Variants in SEMA6D observed in about 807,000 individuals in gnomAD.
SEMA6D encodes the protein semaphorin-6D.
Under a neutral mutation model 106.6 loss-of-function variants are expected in SEMA6D, and 35 were observed. The observed-to-expected ratio is 0.33, with a 90% CI of 0.25 to 0.44. SEMA6D has a LOEUF of 0.44. SEMA6D is among the 20% of genes least tolerant of loss of function. The pLI, the probability that SEMA6D is intolerant of heterozygous loss-of-function variation, is 1.00. For synonymous variants in SEMA6D, 499 were observed against 487.7 expected, an observed-to-expected ratio of 1.02 and a Z score of -0.31; for missense variants, 1,185 against 1,345.9, an observed-to-expected ratio of 0.88 and a Z score of 1.87.
intron 1 of SEMA6D, among the ~76,000 whole-genome samples, chr15:47,260,789 C>T (rs2142074481): frequency 6.6e-6 from 1 of 152,198 alleles, no homozygotes; most frequent in South Asian, 2.1e-4. Flanking sequence ...ATAGTGCTTT[C>T]CTTGGACACT....
intron 2 of SEMA6D, among the ~76,000 whole-genome samples, chr15:47,443,525 T>G (rs2041940934): frequency 6.6e-6 from 1 of 152,054 alleles, no homozygotes; most frequent in African/African-American, 2.4e-5. Context: ...ATGTCCCAGC[T>G]CCACTCACCA....
At chr15:47,295,669 G>C (rs2035775346) in intron 1 of SEMA6D, among the ~76,000 whole-genome samples, 1 of 152,214 alleles carries the variant, frequency 6.6e-6, no homozygotes, top group African/African-American at 2.4e-5. Context: ...GTTCTCTTAT[G>C]GTAATGTGAA....
At chr15:47,470,826 A>G (rs2042813827) in intron 3 of SEMA6D, among the ~76,000 whole-genome samples, 1 of 152,174 alleles carries the variant, frequency 6.6e-6, no homozygotes. Flanking sequence ...AGGAGAATAA[A>G]GATAAATAAT....
intron 1 of SEMA6D, among the ~76,000 whole-genome samples, chr15:47,402,857 T>C (rs1213541631): frequency 6.6e-6 from 1 of 151,732 alleles, no homozygotes; most frequent in African/African-American, 2.4e-5. Flanking sequence ...TAGATGAACA[T>C]TGAATCAAGG....
At chr15:47,642,894 T>C (rs141221325) in intron 4 of SEMA6D, among the ~76,000 whole-genome samples, 216 of 151,104 alleles carry the variant, frequency 1.4e-3, no homozygotes, top group African/African-American at 4.9e-3. Flanking sequence ...GAGGTAAAGA[T>C]GAAAATGGAG....
intron 3 of SEMA6D, among the ~76,000 whole-genome samples, chr15:47,565,424 C>A (rs2046202201): frequency 6.6e-6 from 1 of 152,236 alleles, no homozygotes; most frequent in African/African-American, 2.4e-5. Flanking sequence ...ACTTCATTTG[C>A]TCACACACTC....
chr15:47,198,906 A>G (rs188800949), intron 1 of SEMA6D, among the ~76,000 whole-genome samples: 22 of 152,264 alleles, frequency 1.4e-4, no homozygotes, highest in African/African-American at 2.4e-4. Context: ...AGAGATTTCA[A>G]TGGGTACAGT....
chr15:47,362,238 G>A (rs75372372), intron 1 of SEMA6D, among the ~76,000 whole-genome samples: 2,512 of 152,202 alleles, frequency 0.017, 62 homozygotes, highest in African/African-American at 0.057. Context: ...TCATTATGGG[G>A]AAACAACTCA....
intron 4 of SEMA6D, among the ~76,000 whole-genome samples, chr15:47,649,501 G>A (rs1022528769): frequency 8.5e-5 from 13 of 152,198 alleles, no homozygotes; most frequent in Non-Finnish European, 1.6e-4. Flanking sequence ...ACATAGCCAG[G>A]TGTTGTGGCA....
At chr15:47,340,891 T>G (rs1040661455) in intron 1 of SEMA6D, among the ~76,000 whole-genome samples, 1 of 152,180 alleles carries the variant, frequency 6.6e-6, no homozygotes, top group Non-Finnish European at 1.5e-5. Flanking sequence ...TTGGGAGTGT[T>G]AAGTGCTGAG....
At position 47,509,390 on chromosome 15, in the gene SEMA6D, A is replaced by T. The variant is rs1354093237; in HGVS notation, c.-87+38845A>T. Among the ~76,000 whole-genome samples, 3 of 152,226 alleles carry T rather than the reference A, an allele frequency of 2.0e-5. No individual in the cohort carries two copies. In the East Asian group the frequency reaches 5.8e-4, roughly 29 times the overall value. On this transcript the variant is annotated intron_variant, in intron 3 of 19. Transcript: ENST00000558014. ...ATTTTGGTTTCCCCTTAATAAAGAC[A>T]GCTTGGTCTAGTGGCTTAATTATCA...
chr15:47,563,320 A>T (rs1348382144), intron 3 of SEMA6D, among the ~76,000 whole-genome samples: 1 of 152,184 alleles, frequency 6.6e-6, no homozygotes, highest in African/African-American at 2.4e-5. Flanking sequence ...TAAAAGTCTA[A>T]AATTTCATTA....
At chr15:47,689,402 A>G (rs1175157569) in intron 4 of SEMA6D, among the ~76,000 whole-genome samples, 4 of 152,234 alleles carry the variant, frequency 2.6e-5, no homozygotes, top group African/African-American at 7.2e-5. Flanking sequence ...ATAAACACAT[A>G]TAAAATTACA....
At chr15:47,542,439 G>T (rs188340238) in intron 3 of SEMA6D, among the ~76,000 whole-genome samples, 46 of 152,274 alleles carry the variant, frequency 3.0e-4, no homozygotes, top group African/African-American at 1.1e-3. Context: ...TTCTACACAT[G>T]CAGTTCTGGA....
intron 4 of SEMA6D, among the ~76,000 whole-genome samples, chr15:47,657,715 A>ATTT (rs1555404884): frequency 8.9e-5 from 4 of 44,784 alleles, no homozygotes; most frequent in African/African-American, 3.2e-4. Flanking sequence ...AGAGGGCTTC[A>ATTT]TTTCTTTTTT....
intron 4 of SEMA6D, among the ~76,000 whole-genome samples, chr15:47,622,904 G>C (rs980184924): frequency 3.3e-5 from 5 of 152,162 alleles, no homozygotes; most frequent in Non-Finnish European, 7.3e-5. Flanking sequence ...CCCCTCAAGA[G>C]AGTTGCGGGC....
Position 47,760,215 on chromosome 15 carries a change from A to G in SEMA6D, c.110-89A>G, listed in dbSNP as rs1393680267. The G allele has an allele frequency of 3.4e-6, 3 of 885,128 alleles. 1 individual carries two copies. The highest frequency in any genetic ancestry group is 5.4e-6 in the Non-Finnish European group (3 of 559,270). The allele number at this position is 885,128 out of a possible 1,614,324, so 54.8% of individuals were successfully genotyped here. On this transcript the variant is annotated intron_variant, in intron 2 of 18. Transcript: ENST00000536845. ...AGAGGAATTTAGTTAAAACCCTTCT[A>G]CAACAAGTATATACAGCTAATCAAT... is the stretch of plus-strand genomic sequence containing the variant.
At chr15:47,407,823 CCA>C (rs2040646422) in intron 1 of SEMA6D, among the ~76,000 whole-genome samples, 1 of 152,148 alleles carries the variant, frequency 6.6e-6, no homozygotes, top group African/African-American at 2.4e-5. Context: ...GGATAACCAG[CCA>C]GAAGCTCAGA....
intron 1 of SEMA6D, among the ~76,000 whole-genome samples, chr15:47,304,273 A>G (rs1287490627): frequency 4.0e-5 from 6 of 151,682 alleles, no homozygotes; most frequent in African/African-American, 9.7e-5. Flanking sequence ...GTGAAACCCT[A>G]TCTCTACTGA....
Sources: gnomAD v4.1 joint callset for allele counts (sites outside exome capture counted in the v4.1 genomes callset) on GRCh38, gnomAD v4.1.1 for gene constraint, MANE v1.5 for transcripts, NCBI Gene and HGNC (gene_info 2026-07-23, HGNC 2026-07-21) for gene names.